The following FAM228B variants were observed in gnomAD, a reference collection of about 807,000 sequenced individuals.
FAM228B encodes the protein family with sequence similarity 228 member B.
FAM228B carries 38 observed loss-of-function variants against 42.6 expected under a neutral mutation model. The ratio of observed to expected loss-of-function variants is 0.89; its 90% CI spans 0.69 to 1.17. FAM228B has a LOEUF of 1.17. FAM228B is among the 50% of genes most tolerant of loss of function. The pLI is 0.00. For synonymous variants in FAM228B, 109 were observed against 122.3 expected (o/e 0.89, Z 0.72); for missense variants, 344 against 367.3 (o/e 0.94, Z 0.52).
intron 10 of FAM228B, among the ~76,000 whole-genome samples, chr2:24,168,429 G>C (rs935442328): frequency 7.2e-5 from 11 of 152,228 alleles, no homozygotes; most frequent in Admixed American, 6.5e-5. Flanking sequence ...TTTCAGAAAA[G>C]AGGGCATGCC....
At chr2:24,119,789 AATATATATGGAATATAC>A (rs1666038590), upstream of FAM228B, 1 of 753,832 alleles carries the variant, frequency 1.3e-6, no homozygotes, top group Admixed American at 2.4e-5. Flanking sequence ...ATATGTTTGG[AATATATATGGAATATAC>A]ATATTCCGTA....
Position 24,095,542 on chromosome 2 carries a change from G to A in FAM228B, c.-121+313G>A, listed in dbSNP as rs1270229559. On this transcript the variant is annotated intron_variant, in intron 3 of 10. Coordinates refer to the FAM228B transcript ENST00000613899. The surrounding 1 kb of genome is among the most constrained non-coding windows in gnomAD (Gnocchi z 4.8). The stretch of plus-strand genomic sequence containing the variant: ...TCTGAGATCGAACTGTGAGGCGGCA[G>A]CCTGGCTGGGGGAGGGGCGTCCGCT... 3 of 152,500 alleles carry A rather than the reference G, an allele frequency of 2.0e-5. No homozygotes were observed. The highest frequency in any genetic ancestry group is 6.5e-5 in the Admixed American group (1 of 15,284). The allele number at this position is 152,500 out of a possible 1,614,324, so 9.4% of individuals were successfully genotyped here.
chr2:24,167,709 T>C (rs918852784), intron 10 of FAM228B, 26 bp downstream of exon 10: 3 of 1,550,908 alleles, frequency 1.9e-6, no homozygotes, highest in Non-Finnish European at 2.6e-6. Context: ...CTTTCCCTTC[T>C]TACTCTCCTA....
intron 3 of FAM228B, among the ~76,000 whole-genome samples, chr2:24,136,997 A>G (rs892481199): frequency 3.3e-5 from 5 of 152,112 alleles, no homozygotes; most frequent in African/African-American, 9.7e-5. Flanking sequence ...TATTCCAGAT[A>G]GTTCGTATAT....
At chr2:24,138,145 A>T in intron 4 of FAM228B, 45 bp downstream of exon 4, 1 of 1,382,992 alleles carries the variant, frequency 7.2e-7, no homozygotes, top group East Asian at 2.5e-5. Flanking sequence ...ATTTAGACCT[A>T]ATGTCATCTT....
intron 3 of FAM228B, among the ~76,000 whole-genome samples, chr2:24,101,386 A>G (rs888209748): frequency 2.8e-4 from 42 of 152,194 alleles, no homozygotes; most frequent in African/African-American, 9.7e-4. Flanking sequence ...CAGGAAAAAT[A>G]TGTATGTAAA....
chr2:24,092,437 G>A (rs1267246940), intron 2 of FAM228B, among the ~76,000 whole-genome samples: 1 of 151,000 alleles, frequency 6.6e-6, no homozygotes, highest in Non-Finnish European at 1.5e-5. Context: ...TAGCTGGGTA[G>A]TGGTGGCATG....
At chr2:24,113,272 C>G (rs145237556) in intron 3 of FAM228B, among the ~76,000 whole-genome samples, 1 of 152,264 alleles carries the variant, frequency 6.6e-6, no homozygotes, top group Non-Finnish European at 1.5e-5. Flanking sequence ...ACTGTTATCT[C>G]TTTTCAAAAA....
chr2:24,079,625 A>C, intron 1 of FAM228B: 3 of 1,614,108 alleles, frequency 1.9e-6, no homozygotes, highest in Non-Finnish European at 2.5e-6. Context: ...GTCTAGAATA[A>C]GATTAACTCC....
intron 2 of FAM228B, among the ~76,000 whole-genome samples, chr2:24,134,496 C>T (rs943995236): frequency 1.3e-5 from 2 of 152,090 alleles, no homozygotes; most frequent in African/African-American, 4.8e-5. Flanking sequence ...TCTATTTTAA[C>T]CCAGAAAAGT....
chr2:24,120,279 AC>A (rs1666065912), upstream of FAM228B, among the ~76,000 whole-genome samples: 1 of 150,610 alleles, frequency 6.6e-6, no homozygotes, highest in Admixed American at 6.6e-5. Flanking sequence ...AAAAAAAAAA[AC>A]AACAACAAAA....
Position 24,124,439 on chromosome 2 carries a change from C to G in FAM228B, c.78C>G (p.Pro26=). Residue 26 remains proline (P), a synonymous_variant, in exon 2 of 11, where the codon CCC becomes CCG. Coordinates refer to ENST00000615575, the MANE Select transcript of FAM228B (RefSeq NM_001145710.2). ...KLKSSKEWLE[P]KPLCFMEVLA... ...AGAGCTCAAAAGAATGGTTGGAGCC[C>G]AAGCCCCTTTGTTTTATGGAGGTAT... The G allele has an allele frequency of 6.4e-7, 1 of 1,550,702 alleles. No individual in the cohort carries two copies. The highest frequency in any genetic ancestry group is 1.4e-5 in the African/African-American group (1 of 73,038).
intron 3 of FAM228B, among the ~76,000 whole-genome samples, chr2:24,101,903 C>CT (rs1013393054): frequency 1.2e-4 from 18 of 152,204 alleles, no homozygotes; most frequent in African/African-American, 4.1e-4. Context: ...AGGATGGTCT[C>CT]TATTTCTTGA....
chr2:24,087,384 A>G (rs1454165284), intron 2 of FAM228B: 2 of 152,104 alleles, frequency 1.3e-5, no homozygotes, highest in Non-Finnish European at 2.9e-5. Flanking sequence ...CTGGCCAATA[A>G]GTATCTTTTA....
At chr2:24,122,685 G>A (rs1666159221), upstream of FAM228B, 13 of 587,818 alleles carry the variant, frequency 2.2e-5, no homozygotes, top group South Asian at 3.2e-4. Context: ...TGAAAACGGT[G>A]GTCCATCATT....
intron 8 of FAM228B, among the ~76,000 whole-genome samples, chr2:24,162,837 A>G (rs1043295051): frequency 6.6e-6 from 1 of 152,222 alleles, no homozygotes; most frequent in Admixed American, 6.5e-5. Flanking sequence ...AGCTACATAT[A>G]GTATGTTTTT....
At chr2:24,167,777 G>T in intron 10 of FAM228B, 94 bp downstream of exon 10, 1 of 1,414,160 alleles carries the variant, frequency 7.1e-7, no homozygotes. Context: ...TCCACAGTGG[G>T]AGGGAGGAAA....
intron 3 of FAM228B, among the ~76,000 whole-genome samples, chr2:24,098,514 A>C (rs1665546871): frequency 6.6e-6 from 1 of 152,230 alleles, no homozygotes; most frequent in African/African-American, 2.4e-5. Context: ...TTCTTTGCAA[A>C]TAAACTAGAA....
chr2:24,153,486 T>A lies in FAM228B; in HGVS notation c.686+6400T>A, dbSNP rs143633082. Among the ~76,000 whole-genome samples the A allele has an allele frequency of 1.8e-4, 27 of 152,270 alleles. No individual in the cohort carries two copies. The East Asian group carries it at 5.0e-3, about 28-fold the overall frequency. ...GCCCAGAATGTGTCTAGAAATGTCG[T>A]CCCAAAGCTAGGGCCTGGAATGGGG... On this transcript the variant is annotated intron_variant, in intron 7 of 10. Coordinates refer to ENST00000615575, the MANE Select transcript of FAM228B (RefSeq NM_001145710.2).
Sources: allele counts gnomAD v4.1 joint callset (sites outside exome capture counted in the v4.1 genomes callset), GRCh38; gene constraint gnomAD v4.1.1; non-coding constraint Gnocchi (gnomAD v3.1); transcripts MANE v1.5; gene names NCBI Gene and HGNC (gene_info 2026-07-23, HGNC 2026-07-21).